Variants in CNOT6L observed in about 807,000 individuals in gnomAD.
CNOT6L encodes the protein CCR4-NOT transcription complex subunit 6-like.
A neutral mutation model predicts 64.0 loss-of-function variants in CNOT6L; 7 were observed. The ratio of observed to expected loss-of-function variants is 0.11; its 90% CI spans 0.06 to 0.21. The LOEUF (loss-of-function observed/expected upper bound fraction) is 0.21. Among genes scored for constraint, CNOT6L ranks in the 10% least tolerant of loss-of-function variants. CNOT6L has a pLI of 1.00. For missense variants in CNOT6L, 245 were observed against 669.0 expected (o/e 0.37, Z 6.99); for synonymous variants, 193 against 243.4 (o/e 0.79, Z 1.93).
chr4:77,758,290 GA>G (rs1725791340), intron 4 of CNOT6L, among the ~76,000 whole-genome samples: 1 of 151,982 alleles, frequency 6.6e-6, no homozygotes, highest in African/African-American at 2.4e-5. Context: ...GTACTAGGGG[GA>G]AAAAACTCTT....
chr4:77,754,912 A>AAC (rs1725336166), intron 5 of CNOT6L, among the ~76,000 whole-genome samples: 1 of 144,232 alleles, frequency 6.9e-6, no homozygotes, highest in South Asian at 2.2e-4. Context: ...AAAAAAAAAA[A>AAC]ACCGGTTTCT....
At chr4:77,766,888 C>A (rs1196618587) in intron 4 of CNOT6L, among the ~76,000 whole-genome samples, 2 of 151,256 alleles carry the variant, frequency 1.3e-5, no homozygotes, top group Non-Finnish European at 2.9e-5. Context: ...AATGGTGAAA[C>A]CCTGTCTCTA....
chr4:77,766,730 C>A (rs1179239840), intron 4 of CNOT6L, among the ~76,000 whole-genome samples: 4 of 147,294 alleles, frequency 2.7e-5, no homozygotes, highest in Non-Finnish European at 4.5e-5. Context: ...AGGAAATAAC[C>A]AAGAAAAGAG....
intron 8 of CNOT6L, among the ~76,000 whole-genome samples, chr4:77,737,321 C>G (rs754540378): frequency 4.6e-5 from 7 of 151,000 alleles, no homozygotes; most frequent in Admixed American, 4.6e-4. Flanking sequence ...ATGGGAGTGC[C>G]AGAAGGTAAC....
chr4:77,806,396 G>A (rs1189389135), intron 1 of CNOT6L, among the ~76,000 whole-genome samples: 1 of 151,682 alleles, frequency 6.6e-6, no homozygotes, highest in Non-Finnish European at 1.5e-5. Flanking sequence ...CTGCACTCCA[G>A]CCTAGGCAAC....
In CNOT6L at chr4:77,779,722, G is replaced by A. The variant is rs145963428; in HGVS notation, c.6-3330C>T. Among the ~76,000 whole-genome samples the A allele has an allele frequency of 3.8e-3, 572 of 152,284 alleles. 2 individuals carry two copies. The highest frequency in any genetic ancestry group is 0.012 in the African/African-American group (515 of 41,568). On this transcript the variant is annotated intron_variant, in intron 1 of 11. Coordinates refer to ENST00000504123, the MANE Select transcript of CNOT6L (RefSeq NM_144571.3). The stretch of plus-strand genomic sequence containing the variant: ...ACGCCTTGTAATCCCAGCACTTTGG[G>A]AGGCCGAGGCGGGCAGATCACGAGG...
At chr4:77,816,762 A>C (rs967961388) in intron 1 of CNOT6L, among the ~76,000 whole-genome samples, 2 of 152,156 alleles carry the variant, frequency 1.3e-5, no homozygotes, top group African/African-American at 4.8e-5. Flanking sequence ...ACAAACTTAA[A>C]CCAATCAAAC....
At chr4:77,753,916 AAAAC>A (rs1420461167) in intron 5 of CNOT6L, among the ~76,000 whole-genome samples, 4 of 151,614 alleles carry the variant, frequency 2.6e-5, no homozygotes, top group African/African-American at 9.7e-5. Context: ...AAAAAAAAAA[AAAAC>A]TTGCCTAGCA....
At chr4:77,754,646 T>G (rs1725251694) in intron 5 of CNOT6L, among the ~76,000 whole-genome samples, 1 of 151,946 alleles carries the variant, frequency 6.6e-6, no homozygotes, top group Non-Finnish European at 1.5e-5. Flanking sequence ...GAAGACTTAC[T>G]CTACTGGATC....
intron 5 of CNOT6L, among the ~76,000 whole-genome samples, chr4:77,750,790 G>A (rs1052739323): frequency 6.6e-6 from 1 of 152,104 alleles, no homozygotes; most frequent in Non-Finnish European, 1.5e-5. Context: ...ATCTTCAACA[G>A]AGCTCAAGAG....
chr4:77,755,458 C>A (rs2866444), intron 5 of CNOT6L, among the ~76,000 whole-genome samples: 12,747 of 151,916 alleles, frequency 0.084, 673 homozygotes, highest in Non-Finnish European at 0.12. Context: ...CTCGTGATCT[C>A]CCCACTTGGC....
intron 10 of CNOT6L, 41 bp from the exon 11 acceptor site, chr4:77,726,410 A>T: frequency 6.7e-7 from 1 of 1,499,400 alleles, no homozygotes; most frequent in Non-Finnish European, 9.2e-7. Context: ...TAGCATTTAG[A>T]CCTTACACAA....
chr4:77,740,703 T>C (rs942641787), intron 8 of CNOT6L, among the ~76,000 whole-genome samples: 2 of 152,170 alleles, frequency 1.3e-5, no homozygotes, highest in Non-Finnish European at 2.9e-5. Context: ...TCATATACCA[T>C]ATAACAAGAT....
At chr4:77,795,968 G>A (rs937012856) in intron 1 of CNOT6L, among the ~76,000 whole-genome samples, 7 of 151,868 alleles carry the variant, frequency 4.6e-5, no homozygotes, top group African/African-American at 1.7e-4. Context: ...TTTATTCATT[G>A]AAAGTGATCT....
At chr4:77,783,229 T>C (rs1048632809) in intron 1 of CNOT6L, among the ~76,000 whole-genome samples, 3 of 151,794 alleles carry the variant, frequency 2.0e-5, no homozygotes, top group African/African-American at 7.3e-5. Context: ...CCTTCAGACT[T>C]TTGAAGTCTA....
chr4:77,803,351 T>C (rs748613148), intron 1 of CNOT6L, among the ~76,000 whole-genome samples: 16 of 152,148 alleles, frequency 1.1e-4, no homozygotes, highest in Non-Finnish European at 2.4e-4. Flanking sequence ...CATCACACAA[T>C]TGTTGGGAGT....
In CNOT6L at chr4:77,715,332, T is replaced by G. The variant is rs965789728; in HGVS notation, c.*5099A>C. 1 of 152,124 alleles carries G rather than the reference T, an allele frequency of 6.6e-6. No homozygotes were observed. The highest frequency in any genetic ancestry group is 6.6e-5 in the Admixed American group (1 of 15,238). 9.4% of individuals were successfully genotyped at this position (152,124 alleles called of 1,614,324 possible). A position where few individuals can be genotyped will look rare whatever the true frequency, so the allele number is the denominator to read the frequency against. ...CTTCTAAAATGCAGTTCAATGCTAC[T>G]CAGTTTATACAATGTACCATAAAAA... On this transcript the variant is annotated 3_prime_UTR_variant, in exon 12 of 12. Coordinates refer to ENST00000504123, the MANE Select transcript of CNOT6L (RefSeq NM_144571.3).
At position 77,719,689 on chromosome 4, in the gene CNOT6L, A is replaced by G. The variant is rs113107172; in HGVS notation, c.*742T>C. On this transcript the variant is annotated 3_prime_UTR_variant, in exon 12 of 12. Transcript: ENST00000504123. The stretch of plus-strand genomic sequence containing the variant: ...AATACAGATTACTTACTTTTTCTCT[A>G]TAAATAAACTTGAGAGACAGGCTTA... 0.048 allele frequency: 7,381 copies of G among 152,656 alleles called. 233 individuals carry two copies. The highest frequency in any genetic ancestry group is 0.15 in the Middle Eastern group (43 of 292). 9.5% of individuals were successfully genotyped at this position (152,656 alleles called of 1,614,324 possible).
Position 77,744,751 on chromosome 4 carries a change from A to C in CNOT6L, c.684T>G (p.Ile228Met). Residue 228 changes from isoleucine (I) to methionine (M), a missense_variant, in exon 7 of 12, where the codon ATT becomes ATG. Physicochemically the swap from Ile to Met is conservative, Grantham distance 10 (BLOSUM62 1). This residue lies in a region of CNOT6L where 94 missense variants were observed against 290.9 expected (regional missense o/e 0.32). Coordinates refer to ENST00000504123, the MANE Select transcript of CNOT6L (RefSeq NM_144571.3). ...EYRKKGIMEE[I>M]VNCDADIISL... ...TAATGATATCTGCGTCACAGTTAAC[A>C]ATTTCTTCCATAATTCCCTTTTTCC... The C allele has an allele frequency of 6.2e-7, 1 of 1,613,330 alleles. No individual in the cohort carries two copies. The highest frequency in any genetic ancestry group is 8.5e-7 in the Non-Finnish European group (1 of 1,179,618).
Sources: allele counts gnomAD v4.1 joint callset (sites outside exome capture counted in the v4.1 genomes callset), GRCh38; gene constraint gnomAD v4.1.1; regional missense constraint gnomAD v4.1.1; transcripts MANE v1.5; gene names NCBI Gene and HGNC (gene_info 2026-07-23, HGNC 2026-07-21).